Variants in KIAA0232 observed in about 807,000 individuals in gnomAD.
KIAA0232 encodes the protein KIAA0232.
In KIAA0232, 27 loss-of-function variants were observed where a neutral mutation model predicts 122.0. That is an observed-to-expected ratio of 0.22 (90% CI 0.16 to 0.31). The LOEUF is 0.31. Ranked by LOEUF, KIAA0232 falls within the 10% of genes least tolerant of loss-of-function variation. The probability of loss-of-function intolerance (pLI) is 1.00; values close to 1 mark genes in which losing one functional copy is unlikely to be tolerated. For missense variants in KIAA0232, 1,551 were observed against 1,634.2 expected (o/e 0.95, Z 0.88); for synonymous variants, 613 against 587.6 (o/e 1.04, Z -0.63).
chr4:6,825,855 AG>A (rs1718650805), intron 3 of KIAA0232, among the ~76,000 whole-genome samples: 1 of 152,200 alleles, frequency 6.6e-6, no homozygotes, highest in Admixed American at 6.5e-5. Flanking sequence ...GAGAGCAGGA[AG>A]GGTTTCATTG....
At chr4:6,787,231 C>T (rs963880078) in intron 1 of KIAA0232, among the ~76,000 whole-genome samples, 1 of 149,472 alleles carries the variant, frequency 6.7e-6, no homozygotes, top group Non-Finnish European at 1.5e-5. Context: ...ATTTAATTCC[C>T]AAGAGATTAC....
chr4:6,856,025 C>T (rs1720549160), intron 4 of KIAA0232: 1 of 170,258 alleles, frequency 5.9e-6, no homozygotes, highest in Non-Finnish European at 1.2e-5. Context: ...TTCTATCTTC[C>T]TATTAAAACC....
chr4:6,838,727 C>CTTTTTTTTTTTT (rs749354748), intron 3 of KIAA0232, among the ~76,000 whole-genome samples: 1 of 108,250 alleles, frequency 9.2e-6, no homozygotes, highest in African/African-American at 3.6e-5. Context: ...TTCAAAGCAG[C>CTTTTTTTTTTTT]TTTTTTTTTT....
At chr4:6,847,127 G>A (rs1720007131) in intron 4 of KIAA0232, among the ~76,000 whole-genome samples, 1 of 152,076 alleles carries the variant, frequency 6.6e-6, no homozygotes, top group Non-Finnish European at 1.5e-5. Flanking sequence ...GTGATGTTAT[G>A]CATTACATGT....
Position 6,862,463 on chromosome 4 carries a change from A to G in KIAA0232, c.2081A>G (p.Asn694Ser), listed in dbSNP as rs1720928910. 6.2e-7 allele frequency: 1 copy of G among 1,614,176 alleles called. No individual in the cohort carries two copies. The highest frequency in any genetic ancestry group is 8.5e-7 in the Non-Finnish European group (1 of 1,180,020). Residue 694 changes from asparagine (N) to serine (S), a missense_variant, in exon 7 of 10, where the codon AAT becomes AGT. This residue lies in a region of KIAA0232 where 1,108 missense variants were observed against 1,154.8 expected (regional missense o/e 0.96). Transcript: ENST00000307659. ...TCTAGATTGCTAATATGGACCAAAA[A>G]TAGTGCCTTTGAAGAAAATGAACAC... ...TQSRLLIWTK[N>S]SAFEENEHCS...
intron 8 of KIAA0232, 99 bp downstream of exon 8, chr4:6,871,781 C>T (rs1459264288): frequency 1.3e-6 from 1 of 752,540 alleles, no homozygotes; most frequent in African/African-American, 1.8e-5. Flanking sequence ...GAAACATTTA[C>T]CAAGAGGTTT....
At chr4:6,880,689 G>T in intron 9 of KIAA0232, 98 bp from the exon 10 acceptor site, 1 of 824,794 alleles carries the variant, frequency 1.2e-6, no homozygotes, top group Non-Finnish European at 1.7e-6. Context: ...GGAAAACACT[G>T]ATGATTTATT....
rs1720884784 is a variant in KIAA0232, at chr4:6,861,799, A to G, written c.1417A>G (p.Met473Val). The change falls in exon 7 of 10, where the codon ATG (methionine) becomes GTG (valine). Residue 473 changes from methionine to valine, a missense_variant. Transcript: ENST00000307659. ...TTTCATTGATGGTCATTTTGTAGAA[A>G]TGCCTGCAGTTATAAATGAGGATAT... ...GTFIDGHFVEMPAVINEDIDL... is the reference protein window; with the variant it reads ...GTFIDGHFVEVPAVINEDIDL... 4 of 1,614,024 alleles carry G rather than the reference A, an allele frequency of 2.5e-6. No homozygotes were observed. The highest frequency in any genetic ancestry group is 1.7e-5 in the Admixed American group (1 of 60,008).
intron 3 of KIAA0232, among the ~76,000 whole-genome samples, chr4:6,833,236 T>C (rs1053775624): frequency 6.6e-6 from 1 of 152,186 alleles, no homozygotes; most frequent in African/African-American, 2.4e-5. Context: ...TCAACAGACT[T>C]TAATTAAATA....
intron 9 of KIAA0232, among the ~76,000 whole-genome samples, chr4:6,877,341 C>T (rs550196351): frequency 6.6e-6 from 1 of 152,218 alleles, no homozygotes; most frequent in African/African-American, 2.4e-5. Flanking sequence ...AGCGGGGCCT[C>T]CGCCTGGTTT....
intron 1 of KIAA0232, among the ~76,000 whole-genome samples, chr4:6,793,054 C>T (rs966743298): frequency 2.0e-5 from 3 of 152,102 alleles, no homozygotes; most frequent in South Asian, 2.1e-4. Context: ...ATTATGTAGC[C>T]AGTCCTATGA....
At chr4:6,846,221 T>C (rs910264720) in intron 4 of KIAA0232, among the ~76,000 whole-genome samples, 2 of 152,142 alleles carry the variant, frequency 1.3e-5, no homozygotes, top group African/African-American at 4.8e-5. Context: ...TAATTACTTA[T>C]GGAATGAATG....
chr4:6,863,331 TCCTGGGCACAGGCA>T lies in KIAA0232; in HGVS notation c.2950_2963del (p.Pro984ValfsTer9). On this transcript the variant is annotated frameshift_variant, in exon 7 of 10. Coordinates refer to ENST00000307659, the MANE Select transcript of KIAA0232 (RefSeq NM_014743.3). LOFTEE classifies it high-confidence loss of function. The stretch of plus-strand genomic sequence containing the variant: ...TTATGACCCCAGGAAACAGTTTTGC[TCCTGGGCACAGGCA>T]GTTATGGAAACCCTTCGTGTCATTT... The T allele has an allele frequency of 6.2e-7, 1 of 1,614,166 alleles. No individual in the cohort carries two copies. The highest frequency in any genetic ancestry group is 8.5e-7 in the Non-Finnish European group (1 of 1,180,036).
intron 2 of KIAA0232, among the ~76,000 whole-genome samples, chr4:6,813,979 C>T (rs909511926): frequency 3.3e-5 from 5 of 152,110 alleles, no homozygotes; most frequent in Admixed American, 1.3e-4. Context: ...CCAGAGCCTG[C>T]ATAGAGTTGT....
At chr4:6,802,164 AC>A (rs1717411776) in intron 1 of KIAA0232, among the ~76,000 whole-genome samples, 1 of 152,292 alleles carries the variant, frequency 6.6e-6, no homozygotes, top group East Asian at 1.9e-4. Context: ...AAGTTGAACT[AC>A]CTTGCATGCC....
intron 4 of KIAA0232, among the ~76,000 whole-genome samples, chr4:6,843,352 C>T (rs1053075915): frequency 4.6e-5 from 7 of 152,162 alleles, no homozygotes; most frequent in East Asian, 1.9e-4. Context: ...TCTAGTGTTG[C>T]GATCGTTGGC....
At chr4:6,802,856 A>G (rs1259682933) in intron 1 of KIAA0232, among the ~76,000 whole-genome samples, 3 of 151,970 alleles carry the variant, frequency 2.0e-5, no homozygotes, top group Non-Finnish European at 4.4e-5. Context: ...GAAGAGTAAT[A>G]GTCGAATATG....
chr4:6,815,830 C>G (rs1364093820), intron 2 of KIAA0232, among the ~76,000 whole-genome samples: 1 of 152,134 alleles, frequency 6.6e-6, no homozygotes, highest in Non-Finnish European at 1.5e-5. Flanking sequence ...GATAATAATG[C>G]AAGCAAAGGT....
rs1260587233 is a variant in KIAA0232 at position 6,862,417 on chromosome 4, A to G, written c.2035A>G (p.Asn679Asp). 7 of 1,614,198 alleles carry G rather than the reference A, an allele frequency of 4.3e-6. 1 individual carries two copies. The South Asian group carries it at 7.7e-5, about 18-fold the overall frequency. ...AAATGAAAATACAGATTCTAGTGCTAATATGCTTGGGAAAACACAGTCTAG... is the reference window on the plus strand; with the variant it reads ...AAATGAAAATACAGATTCTAGTGCTGATATGCTTGGGAAAACACAGTCTAG... ...LGNENTDSSA[N>D]MLGKTQSRLL... Residue 679 changes from asparagine (N) to aspartate (D), a missense_variant, in exon 7 of 10, where the codon AAT (asparagine) becomes GAT (aspartate). Asn to Asp is a conservative substitution (Grantham distance 23, BLOSUM62 1). This residue lies in a region of KIAA0232 where 1,108 missense variants were observed against 1,154.8 expected (regional missense o/e 0.96). Transcript: ENST00000307659.
Sources: gnomAD v4.1 joint callset for allele counts (sites outside exome capture counted in the v4.1 genomes callset) on GRCh38, gnomAD v4.1.1 for gene constraint, gnomAD v4.1.1 regional missense constraint, MANE v1.5 for transcripts, NCBI Gene and HGNC (gene_info 2026-07-23, HGNC 2026-07-21) for gene names.